The following FAM78B variants were observed in gnomAD, a reference collection of about 807,000 sequenced individuals.
FAM78B encodes protein FAM78B.
In FAM78B, 10 loss-of-function variants were observed where a neutral mutation model predicts 20.0. The ratio of observed to expected loss-of-function variants is 0.50; its 90% CI spans 0.31 to 0.85. The LOEUF is 0.85. Ranked by LOEUF, FAM78B falls within the 40% of genes least tolerant of loss-of-function variation. The pLI is 0.05. For missense variants in FAM78B, 283 were observed against 345.0 expected, an observed-to-expected ratio of 0.82 and a Z score of 1.42; for synonymous variants, 135 against 132.8, an observed-to-expected ratio of 1.02 and a Z score of -0.12.
At chr1:166,110,569 T>G (rs1403835807) in intron 1 of FAM78B, among the ~76,000 whole-genome samples, 1 of 152,230 alleles carries the variant, frequency 6.6e-6, no homozygotes, top group Admixed American at 6.5e-5. Flanking sequence ...ACTGCTTTCT[T>G]GCTTGCCTGT....
At chr1:166,110,273 A>T (rs534799739) in intron 1 of FAM78B, among the ~76,000 whole-genome samples, 9 of 151,810 alleles carry the variant, frequency 5.9e-5, no homozygotes, top group African/African-American at 1.9e-4. Flanking sequence ...AAAAAATATT[A>T]AAAAAAAGAA....
intron 1 of FAM78B, among the ~76,000 whole-genome samples, chr1:166,153,979 T>G (rs1171801352): frequency 6.6e-6 from 1 of 152,030 alleles, no homozygotes; most frequent in Non-Finnish European, 1.5e-5. Context: ...CTGAAATGCC[T>G]CAATAAAACA....
At chr1:166,092,168 C>T (rs1364423631) in intron 1 of FAM78B, among the ~76,000 whole-genome samples, 2 of 151,856 alleles carry the variant, frequency 1.3e-5, no homozygotes, top group African/African-American at 4.8e-5. Context: ...ACTTGGTAAA[C>T]ATGAGCCAGA....
rs141127995 is a variant in FAM78B at position 166,113,257 on chromosome 1, C to T, written c.264-42494G>A. Among the ~76,000 whole-genome samples, 347 of 152,326 alleles carry T rather than the reference C, an allele frequency of 2.3e-3. 11 individuals carry two copies. Among genetic ancestry groups the T allele is most frequent in the East Asian group, 2.7e-3 (14 of 5,178 alleles). On this transcript the variant is annotated intron_variant, in intron 1 of 1. Transcript: ENST00000354422. ...CCCTAGTCAGTGTTCTGCCTCCTTA[C>T]AGACTTCCTGGGAGAAAAAGACTTA...
At chr1:166,161,522 G>A (rs1656147521) in intron 1 of FAM78B, among the ~76,000 whole-genome samples, 1 of 152,222 alleles carries the variant, frequency 6.6e-6, no homozygotes, top group South Asian at 2.1e-4. Flanking sequence ...CTATGTGGGA[G>A]GCAGACTGGA....
chr1:166,077,837 TTA>T (rs199642620), intron 1 of FAM78B, among the ~76,000 whole-genome samples: 17,555 of 121,836 alleles, frequency 0.14, 2,467 homozygotes, highest in East Asian at 0.44. Flanking sequence ...TATATATAAT[TTA>T]TATATATAAT....
chr1:166,104,322 C>T (rs571666400), intron 1 of FAM78B, among the ~76,000 whole-genome samples: 1 of 152,248 alleles, frequency 6.6e-6, no homozygotes, highest in East Asian at 1.9e-4. Flanking sequence ...CTCACCAGTC[C>T]TATTCAACAT....
intron 1 of FAM78B, chr1:166,154,853 G>T: frequency 2.1e-6 from 1 of 472,360 alleles, no homozygotes; most frequent in South Asian, 1.5e-5. Context: ...AGAAGCAAAT[G>T]AGCTAGATGA....
exon 3 of FAM78B, chr1:166,059,433 T>TAAAA (rs1651485557): frequency 6.6e-6 from 1 of 152,232 alleles, no homozygotes; most frequent in African/African-American, 2.4e-5. Flanking sequence ...GTCATCTGGG[T>TAAAA]AACTTAAAAA....
intron 1 of FAM78B, 47 bp downstream of exon 1, chr1:166,165,939 G>T (rs764699980): frequency 6.2e-7 from 1 of 1,611,476 alleles, no homozygotes; most frequent in Non-Finnish European, 8.5e-7. Context: ...GGCAAGCAGA[G>T]CTGGGGGCCC....
At chr1:166,147,865 G>A (rs1016621945) in intron 1 of FAM78B, 4 of 152,136 alleles carry the variant, frequency 2.6e-5, no homozygotes, top group Non-Finnish European at 4.4e-5. Context: ...TGAACTCCTG[G>A]GCTCATGTGA....
At chr1:166,159,491 A>C (rs1287909444) in intron 1 of FAM78B, among the ~76,000 whole-genome samples, 1 of 152,198 alleles carries the variant, frequency 6.6e-6, no homozygotes, top group Non-Finnish European at 1.5e-5. Context: ...TTGGGACTGC[A>C]CACCCCACAC....
In FAM78B at chr1:166,070,913, C is replaced by T. The variant is rs886867481; in HGVS notation, c.264-150G>A. 2.7e-5 allele frequency: 20 copies of T among 733,478 alleles called. No homozygotes were observed. In the African/African-American group the frequency reaches 3.3e-4, roughly 12 times the overall value. The allele number at this position is 733,478 out of a possible 1,614,324, so 45.4% of individuals were successfully genotyped here. A position where few individuals can be genotyped will look rare whatever the true frequency, so the allele number is the denominator to read the frequency against. On this transcript the variant is annotated intron_variant, in intron 1 of 1. Coordinates refer to ENST00000354422, the MANE Select transcript of FAM78B (RefSeq NM_001017961.5). ...TCAGGGCAAAAAGTTCTATGCTGTG[C>T]TGTTTCAGGATTAAATGAGAACAAA...
intron 1 of FAM78B, among the ~76,000 whole-genome samples, chr1:166,077,697 TATA>T (rs1652337989): frequency 8.0e-6 from 1 of 124,884 alleles, no homozygotes; most frequent in Non-Finnish European, 1.5e-5. Context: ...ATAAATTATA[TATA>T]ATAAATACAT....
intron 1 of FAM78B, among the ~76,000 whole-genome samples, chr1:166,137,729 A>G (rs1333578547): frequency 2.0e-5 from 3 of 152,204 alleles, no homozygotes; most frequent in Admixed American, 6.5e-5. Flanking sequence ...CTATGATGTT[A>G]TTAGTAAATA....
At chr1:166,075,543 T>C (rs1419040520) in intron 1 of FAM78B, among the ~76,000 whole-genome samples, 1 of 152,234 alleles carries the variant, frequency 6.6e-6, no homozygotes, top group Non-Finnish European at 1.5e-5. Flanking sequence ...ACCTGACTGC[T>C]GCATTAGAGC....
chr1:166,149,395 T>C (rs1207253101), intron 1 of FAM78B, among the ~76,000 whole-genome samples: 1 of 152,216 alleles, frequency 6.6e-6, no homozygotes, highest in African/African-American at 2.4e-5. Context: ...TTTTTACATG[T>C]CTTCTCACCT....
intron 1 of FAM78B, among the ~76,000 whole-genome samples, chr1:166,083,371 G>A (rs1440893353): frequency 2.0e-5 from 3 of 151,452 alleles, no homozygotes; most frequent in African/African-American, 2.4e-5. Context: ...GGAAGAGTGC[G>A]GGGTGGGACT....
intron 1 of FAM78B, among the ~76,000 whole-genome samples, chr1:166,143,392 T>C (rs1655347830): frequency 6.6e-6 from 1 of 151,990 alleles, no homozygotes; most frequent in Non-Finnish European, 1.5e-5. Flanking sequence ...AGCTCTGCCC[T>C]AGTGCCAAGG....
Sources: allele counts gnomAD v4.1 joint callset (sites outside exome capture counted in the v4.1 genomes callset), GRCh38; gene constraint gnomAD v4.1.1; transcripts MANE v1.5; gene names NCBI Gene and HGNC (gene_info 2026-07-23, HGNC 2026-07-21).